Variants in CCDC191 observed in about 807,000 individuals in gnomAD.
CCDC191 encodes the protein coiled-coil domain-containing protein 191.
A neutral mutation model predicts 114.0 loss-of-function variants in CCDC191; 99 were observed. The ratio of observed to expected loss-of-function variants is 0.87; its 90% CI spans 0.74 to 1.03. The LOEUF is 1.03. Ranked by LOEUF, CCDC191 falls within the 50% of genes least tolerant of loss-of-function variation. The pLI, the probability that CCDC191 is intolerant of heterozygous loss-of-function variation, is 0.00. For synonymous variants in CCDC191, 351 were observed against 376.0 expected (o/e 0.93, Z 0.77); for missense variants, 973 against 1,087.0 (o/e 0.90, Z 1.47).
chr3:114,005,423 T>TCAGAAGCAGGGCAAAGAAGCTCAGGAGCC, intron 10 of CCDC191, 85 bp downstream of exon 10: 1 of 1,315,800 alleles, frequency 7.6e-7, no homozygotes. Context: ...ATCATGGGGC[T>TCAGAAGCAGGGCAAAGAAGCTCAGGAGCC]CAGAAGCAGG....
chr3:114,024,295 T>C (rs2076286950), intron 7 of CCDC191, among the ~76,000 whole-genome samples: 1 of 152,230 alleles, frequency 6.6e-6, no homozygotes, highest in South Asian at 2.1e-4. Context: ...AGTGTGGCGA[T>C]TCCTCAGGGA....
intron 13 of CCDC191, among the ~76,000 whole-genome samples, chr3:113,990,850 C>T (rs1442420024): frequency 6.7e-6 from 1 of 149,026 alleles, no homozygotes; most frequent in Non-Finnish European, 1.5e-5. Flanking sequence ...CTTAGAATCC[C>T]AGCTACTCAG....
At chr3:114,009,422 T>C (rs900170204) in intron 9 of CCDC191, among the ~76,000 whole-genome samples, 2 of 152,176 alleles carry the variant, frequency 1.3e-5, no homozygotes, top group African/African-American at 2.4e-5. Context: ...AGCTTTTTTT[T>C]CCTGTTTTTA....
At chr3:114,018,939 C>T in intron 7 of CCDC191, 71 bp from the exon 8 acceptor site, 13 of 1,363,250 alleles carry the variant, frequency 9.5e-6, no homozygotes, top group East Asian at 2.3e-5. Flanking sequence ...ACTGACAGCC[C>T]TCTCCTCAGA....
chr3:114,036,781 A>G lies in CCDC191; in HGVS notation c.421T>C (p.Cys141Arg). The G allele has an allele frequency of 6.5e-7, 1 of 1,543,864 alleles. No homozygotes were observed. The highest frequency in any genetic ancestry group is 1.3e-5 in the South Asian group (1 of 76,792). Residue 141 changes from cysteine to arginine, a missense_variant, in exon 5 of 17, where the codon TGT (cysteine) becomes CGT (arginine). By Grantham distance (180) the Cys-to-Arg change is radical (BLOSUM62 -3). Coordinates refer to ENST00000295878, the MANE Select transcript of CCDC191 (RefSeq NM_020817.2). ...HLKYDKFDDL[C>R]GYLEEEEEST... ...TCCTCTTCTTCCTCCAAATAGCCAC[A>G]TAAATCTGGGGGAAACAGAACAACA...
intron 16 of CCDC191, among the ~76,000 whole-genome samples, chr3:113,977,358 C>A (rs1363145428): frequency 6.6e-6 from 1 of 151,992 alleles, no homozygotes; most frequent in Non-Finnish European, 1.5e-5. Context: ...CTGAATACAC[C>A]CGGCACACTA....
At chr3:113,978,086 A>T in intron 16 of CCDC191, 100 bp downstream of exon 16, 1 of 1,357,048 alleles carries the variant, frequency 7.4e-7, no homozygotes, top group Non-Finnish European at 1.0e-6. Flanking sequence ...CCGCTCTCCT[A>T]GCCTCCAGCT....
chr3:113,976,341 A>T (rs1199529687), intron 16 of CCDC191, among the ~76,000 whole-genome samples: 1 of 152,040 alleles, frequency 6.6e-6, no homozygotes, highest in Non-Finnish European at 1.5e-5. Flanking sequence ...AGGAAGACTG[A>T]TGTAGCAAGA....
At chr3:113,975,729 T>C (rs1230491244) in intron 16 of CCDC191, among the ~76,000 whole-genome samples, 1 of 152,118 alleles carries the variant, frequency 6.6e-6, no homozygotes, top group East Asian at 1.9e-4. Flanking sequence ...TGAGATCAGG[T>C]TATGTGAAAG....
chr3:113,978,617 C>G, intron 15 of CCDC191: 1 of 587,624 alleles, frequency 1.7e-6, no homozygotes, highest in South Asian at 2.5e-5. Flanking sequence ...AAAACAAAAG[C>G]TGATGGAATG....
chr3:114,030,678 A>AT (rs1171729952), intron 7 of CCDC191, among the ~76,000 whole-genome samples: 4 of 152,190 alleles, frequency 2.6e-5, no homozygotes, highest in African/African-American at 9.7e-5. Flanking sequence ...TTAAAAAATC[A>AT]CTTTGACTAC....
At chr3:114,016,595 A>G (rs1223144007) in intron 8 of CCDC191, among the ~76,000 whole-genome samples, 7 of 152,224 alleles carry the variant, frequency 4.6e-5, no homozygotes, top group African/African-American at 7.2e-5. Context: ...AATGTTTAGT[A>G]TCCATTCTAA....
At chr3:114,055,821 G>A (rs1351380416) in intron 1 of CCDC191, among the ~76,000 whole-genome samples, 1 of 152,162 alleles carries the variant, frequency 6.6e-6, no homozygotes, top group African/African-American at 2.4e-5. Context: ...GATAGATACG[G>A]AGAGAATCTA....
At chr3:113,969,370 A>G (rs146742238) in intron 16 of CCDC191, among the ~76,000 whole-genome samples, 102 of 152,052 alleles carry the variant, frequency 6.7e-4, no homozygotes, top group African/African-American at 2.4e-3. Context: ...CCAGTTGTCT[A>G]TTTTTGCTTT....
At chr3:113,971,872 T>C (rs1341587455) in intron 16 of CCDC191, among the ~76,000 whole-genome samples, 1 of 152,142 alleles carries the variant, frequency 6.6e-6, no homozygotes, top group East Asian at 1.9e-4. Context: ...TAGTGGTTTG[T>C]TGAGGTTTTC....
intron 7 of CCDC191, among the ~76,000 whole-genome samples, chr3:114,026,150 T>C (rs1412470844): frequency 6.6e-6 from 1 of 152,156 alleles, no homozygotes; most frequent in Non-Finnish European, 1.5e-5. Flanking sequence ...ACCTCTGTAA[T>C]AAAAAAGACT....
At chr3:114,047,967 T>G (rs1324056265) in intron 2 of CCDC191, among the ~76,000 whole-genome samples, 1 of 152,106 alleles carries the variant, frequency 6.6e-6, no homozygotes, top group Non-Finnish European at 1.5e-5. Context: ...AGAGCGAGAC[T>G]CTGTCTCAAA....
Position 113,964,958 on chromosome 3 carries a change from A to G in CCDC191, c.*197T>C, listed in dbSNP as rs1025425451. The G allele has an allele frequency of 1.5e-5, 6 of 399,364 alleles. No homozygotes were observed. Among genetic ancestry groups the G allele is most frequent in the Admixed American group, 4.4e-5 (1 of 22,920 alleles). The allele number at this position is 399,364 out of a possible 1,614,324, so 24.7% of individuals were successfully genotyped here. ...TGTTCCTTTGGATGATCCCACTGTG[A>G]TAAATGCTATAGTGAATGACTAGCA... On this transcript the variant is annotated 3_prime_UTR_variant, in exon 17 of 17. Transcript: ENST00000295878.
intron 1 of CCDC191, among the ~76,000 whole-genome samples, chr3:114,056,015 CAAA>C (rs200734292): frequency 8.6e-6 from 1 of 116,522 alleles, no homozygotes; most frequent in Non-Finnish European, 1.8e-5. Flanking sequence ...CCAAGATTTG[CAAA>C]AAAAAAAAAA....
Sources: allele counts gnomAD v4.1 joint callset (sites outside exome capture counted in the v4.1 genomes callset), GRCh38; gene constraint gnomAD v4.1.1; transcripts MANE v1.5; gene names NCBI Gene and HGNC (gene_info 2026-07-23, HGNC 2026-07-21).